The following FHIT variants were observed in gnomAD, a reference collection of about 807,000 sequenced individuals.
FHIT encodes the protein fragile histidine triad diadenosine triphosphatase.
Under a neutral mutation model 17.9 loss-of-function variants are expected in FHIT, and 19 were observed. The ratio of observed to expected loss-of-function variants is 1.06; its 90% CI spans 0.74 to 1.56. The LOEUF is 1.56. Among genes scored for constraint, FHIT ranks in the 40% most tolerant of loss-of-function variants. FHIT has a pLI of 0.00. For missense variants in FHIT, 248 were observed against 189.2 expected (o/e 1.31, Z -1.82); for synonymous variants, 81 against 69.7 (o/e 1.16, Z -0.81).
intron 7 of FHIT, among the ~76,000 whole-genome samples, chr3:59,957,775 A>G (rs1476790007): frequency 2.0e-5 from 3 of 152,170 alleles, no homozygotes; most frequent in Non-Finnish European, 4.4e-5. Context: ...CTACTCTATG[A>G]CTTCTGTTTA....
intron 8 of FHIT, among the ~76,000 whole-genome samples, chr3:59,766,068 G>A (rs1230114978): frequency 1.3e-5 from 2 of 152,196 alleles, no homozygotes; most frequent in East Asian, 3.9e-4. Context: ...GAGGATGCTG[G>A]ACTGACTCCA....
At chr3:60,886,995 A>G (rs556688382) in intron 3 of FHIT, among the ~76,000 whole-genome samples, 1 of 152,344 alleles carries the variant, frequency 6.6e-6, no homozygotes, top group Non-Finnish European at 1.5e-5. Flanking sequence ...ACTTCATTTG[A>G]CTATATTTGC....
chr3:60,187,760 T>G (rs1189194473), intron 5 of FHIT, among the ~76,000 whole-genome samples: 5 of 152,198 alleles, frequency 3.3e-5, no homozygotes. Flanking sequence ...GATGCTGATT[T>G]AAGAAGAGAA....
At chr3:60,551,896 G>A (rs11715704) in intron 4 of FHIT, among the ~76,000 whole-genome samples, 17,939 of 151,862 alleles carry the variant, frequency 0.12, 1,246 homozygotes, top group Middle Eastern at 0.21. Flanking sequence ...ATGGTTTTCA[G>A]TATGTGTGCA....
intron 1 of FHIT, among the ~76,000 whole-genome samples, chr3:61,205,756 C>G (rs549905960): frequency 4.6e-5 from 7 of 152,114 alleles, no homozygotes; most frequent in Admixed American, 3.9e-4. Flanking sequence ...AATTTTCTCC[C>G]ATTCTGTAGG....
chr3:59,826,463 G>T (rs956242004), intron 8 of FHIT, among the ~76,000 whole-genome samples: 1 of 152,012 alleles, frequency 6.6e-6, no homozygotes, highest in African/African-American at 2.4e-5. Flanking sequence ...TTTGTTTATT[G>T]GCTGCTTCAA....
intron 5 of FHIT, among the ~76,000 whole-genome samples, chr3:60,084,593 T>C (rs141678876): frequency 6.6e-6 from 1 of 152,150 alleles, no homozygotes; most frequent in African/African-American, 2.4e-5. Flanking sequence ...GGGTATTATA[T>C]CCCATTATTG....
At chr3:59,756,703 A>T (rs2106758603) in intron 8 of FHIT, among the ~76,000 whole-genome samples, 1 of 152,320 alleles carries the variant, frequency 6.6e-6, no homozygotes, top group South Asian at 2.1e-4. Flanking sequence ...TTGTTCCCAA[A>T]GTTGCCTGGC....
At chr3:59,945,364 T>A (rs1218767891) in intron 7 of FHIT, among the ~76,000 whole-genome samples, 2 of 152,166 alleles carry the variant, frequency 1.3e-5, no homozygotes, top group Non-Finnish European at 2.9e-5. Context: ...AACTTTTAAA[T>A]AGGGTTGTTT....
chr3:60,524,721 G>GTC (rs35740143), intron 5 of FHIT, among the ~76,000 whole-genome samples: 61,413 of 151,760 alleles, frequency 0.4, 12,778 homozygotes, highest in South Asian at 0.54. Context: ...CATCACTCCA[G>GTC]TCTGCCTTCA....
Position 60,185,488 on chromosome 3 carries a change from A to G in FHIT, c.104-171336T>C, listed in dbSNP as rs573185273. On this transcript the variant is annotated intron_variant, in intron 5 of 9. Coordinates refer to ENST00000492590, the MANE Select transcript of FHIT (RefSeq NM_002012.4). ...ATTGCTGAGTAATGTTCCATTCTAC[A>G]GATGTAACAGAGCTTGTTTATTCAT... Among the ~76,000 whole-genome samples the G allele has an allele frequency of 2.6e-5, 4 of 152,328 alleles. No individual in the cohort carries two copies. In the East Asian group the frequency reaches 7.7e-4, roughly 29 times the overall value.
intron 3 of FHIT, among the ~76,000 whole-genome samples, chr3:61,024,004 C>G (rs2032599899): frequency 6.6e-6 from 1 of 152,064 alleles, no homozygotes; most frequent in South Asian, 2.1e-4. Flanking sequence ...CAAATGGGAT[C>G]TAATTAAATT....
intron 8 of FHIT, among the ~76,000 whole-genome samples, chr3:59,868,573 C>G (rs1178327553): frequency 2.6e-5 from 4 of 152,220 alleles, no homozygotes; most frequent in Non-Finnish European, 4.4e-5. Context: ...GTGCATTTCT[C>G]TGACAGCAAT....
intron 3 of FHIT, among the ~76,000 whole-genome samples, chr3:60,829,976 C>G (rs1324180565): frequency 1.3e-5 from 2 of 151,932 alleles, no homozygotes; most frequent in Non-Finnish European, 2.9e-5. Context: ...GACCAAATCA[C>G]TAGAGACTCT....
chr3:59,921,034 C>G (rs1220573134), intron 8 of FHIT, among the ~76,000 whole-genome samples: 1 of 152,104 alleles, frequency 6.6e-6, no homozygotes, highest in East Asian at 1.9e-4. Flanking sequence ...AGACCTGCAG[C>G]AACTGGTCCA....
chr3:60,743,787 G>C (rs1424908940), intron 4 of FHIT, among the ~76,000 whole-genome samples: 1 of 152,184 alleles, frequency 6.6e-6, no homozygotes. Flanking sequence ...CACAGGTCCA[G>C]GGGACCAGAA....
chr3:59,999,002 T>C (rs892270997), intron 7 of FHIT, among the ~76,000 whole-genome samples: 2 of 152,130 alleles, frequency 1.3e-5, no homozygotes, highest in South Asian at 2.1e-4. Context: ...AAGCAAGTTA[T>C]GGATTTGATA....
In FHIT at chr3:59,986,846, G is replaced by A. The variant is rs1320925448; in HGVS notation, c.279+24525C>T. 4.2e-3 allele frequency among the ~76,000 whole-genome samples: 259 copies of A among 61,434 alleles called. 3 individuals carry two copies. Among genetic ancestry groups the A allele is most frequent in the African/African-American group, 0.016 (246 of 15,172 alleles). The allele number at this position is 61,434 out of a possible 152,430, so 40.3% of individuals were successfully genotyped here. A position where few individuals can be genotyped will look rare whatever the true frequency, so the allele number is the denominator to read the frequency against. On this transcript the variant is annotated intron_variant, in intron 7 of 9. Transcript: ENST00000492590. Reference sequence around the variant, plus strand: ...TATATACGTATATATGTGTATATATGTATAGGATTTACTATAGAAAAATAT... The same window carrying A: ...TATATACGTATATATGTGTATATATATATAGGATTTACTATAGAAAAATAT...
intron 5 of FHIT, among the ~76,000 whole-genome samples, chr3:60,445,600 T>C (rs1033748529): frequency 2.6e-5 from 4 of 152,130 alleles, no homozygotes; most frequent in East Asian, 1.9e-4. Flanking sequence ...GTGAACAGTC[T>C]ATGTCAAAAA....
Sources: allele counts gnomAD v4.1 joint callset (sites outside exome capture counted in the v4.1 genomes callset), GRCh38; gene constraint gnomAD v4.1.1; transcripts MANE v1.5; gene names NCBI Gene and HGNC (gene_info 2026-07-23, HGNC 2026-07-21).